ACSL5: variants seen among roughly 807,000 people sequenced by gnomAD.
ACSL5 encodes acyl-CoA synthetase long chain family member 5.
In ACSL5, 50 loss-of-function variants were observed where a neutral mutation model predicts 84.9. The ratio of observed to expected loss-of-function variants is 0.59; its 90% CI spans 0.47 to 0.75. ACSL5 has a LOEUF of 0.75. ACSL5 is among the 30% of genes least tolerant of loss of function. The probability of loss-of-function intolerance (pLI) is 0.00; values close to 1 mark genes in which losing one functional copy is unlikely to be tolerated. For synonymous variants in ACSL5, 280 were observed against 300.7 expected (o/e 0.93, Z 0.71); for missense variants, 775 against 830.4 (o/e 0.93, Z 0.82).
intron 16 of ACSL5, 29 bp from the exon 17 acceptor site, chr10:112,422,296 T>C (rs1367204080): frequency 1.3e-6 from 2 of 1,591,582 alleles, no homozygotes; most frequent in Admixed American, 1.7e-5. Context: ...CCTTTGCTAT[T>C]GTCACCGCCT....
At chr10:112,381,349 C>A (rs1359731549) in intron 1 of ACSL5, among the ~76,000 whole-genome samples, 1 of 152,112 alleles carries the variant, frequency 6.6e-6, no homozygotes, top group Admixed American at 6.6e-5. Flanking sequence ...CACACAGGTC[C>A]ACAGTTTTTG....
intron 3 of ACSL5, among the ~76,000 whole-genome samples, chr10:112,401,833 TTTCTTTCTTCC>T (rs1279151410): frequency 1.7e-4 from 16 of 95,532 alleles, no homozygotes; most frequent in African/African-American, 5.8e-4. Flanking sequence ...TCTTTCTTTC[TTTCTTTCTTCC>T]TTCCTTCCTT....
intron 14 of ACSL5, chr10:112,420,052 A>C (rs1416754307): frequency 2.0e-5 from 3 of 152,242 alleles, no homozygotes; most frequent in African/African-American, 7.2e-5. Flanking sequence ...CTATCTGTAT[A>C]ACCACAATCA....
chr10:112,417,114 C>T, intron 13 of ACSL5, 92 bp downstream of exon 13: 5 of 1,398,438 alleles, frequency 3.6e-6, no homozygotes, highest in Non-Finnish European at 4.9e-6. Context: ...GCTTGAGCGT[C>T]ACTTTAACTA....
At chr10:112,416,716 C>G (rs983927774) in intron 12 of ACSL5, among the ~76,000 whole-genome samples, 172 bp from the exon 13 acceptor site, 1 of 152,232 alleles carries the variant, frequency 6.6e-6, no homozygotes. Context: ...TCACTTCTTT[C>G]TGAGCATGGC....
At chr10:112,391,198 G>A (rs1012442841) in intron 1 of ACSL5, among the ~76,000 whole-genome samples, 7 of 152,176 alleles carry the variant, frequency 4.6e-5, no homozygotes, top group African/African-American at 1.7e-4. Flanking sequence ...GGCCAACATG[G>A]TGAAACCCTC....
In ACSL5 at chr10:112,427,126, T is replaced by C; in HGVS notation, c.1912-92T>C. The C allele has an allele frequency of 3.7e-6, 5 of 1,350,798 alleles. No homozygotes were observed. The South Asian group carries it at 5.7e-5, about 15-fold the overall frequency. 83.7% of individuals were successfully genotyped at this position (1,350,798 alleles called of 1,614,324 possible). On this transcript the variant is annotated intron_variant, in intron 20 of 20. Transcript: ENST00000354655. ...CTGTTACCTTTACCCTTTCACTGCA[T>C]CAACCTCACTTTCTTCACAGAGCAC...
chr10:112,398,685 G>A (rs570565583), intron 2 of ACSL5, among the ~76,000 whole-genome samples: 10 of 152,254 alleles, frequency 6.6e-5, no homozygotes, highest in East Asian at 1.9e-4. Flanking sequence ...GATTACAGGC[G>A]TGAGCCACCG....
At chr10:112,384,641 G>C (rs557874962) in intron 1 of ACSL5, among the ~76,000 whole-genome samples, 148 of 152,244 alleles carry the variant, frequency 9.7e-4, no homozygotes, top group African/African-American at 3.4e-3. Flanking sequence ...CCAGGTAGTG[G>C]GGACTACCGG....
intron 1 of ACSL5, among the ~76,000 whole-genome samples, chr10:112,376,964 C>A (rs1209272033): frequency 6.6e-6 from 1 of 151,464 alleles, no homozygotes; most frequent in Non-Finnish European, 1.5e-5. Flanking sequence ...TCTCAAAGAC[C>A]CTCAGGGAGT....
Position 112,418,538 on chromosome 10 carries a change from C to T in ACSL5, c.1314+597C>T, listed in dbSNP as rs189615859. 9.9e-5 allele frequency among the ~76,000 whole-genome samples: 15 copies of T among 151,948 alleles called. No individual in the cohort carries two copies. The East Asian group carries it at 1.4e-3, about 14-fold the overall frequency. ...TGGAGCTTGCAGTGAGCTGAGATTGCGCCACTGCACTCCAGCCTGGGCAAC... is the reference window on the plus strand; with the variant it reads ...TGGAGCTTGCAGTGAGCTGAGATTGTGCCACTGCACTCCAGCCTGGGCAAC... On this transcript the variant is annotated intron_variant, in intron 14 of 20. Transcript: ENST00000354655.
chr10:112,427,692 A>G lies in ACSL5; in HGVS notation c.*334A>G, dbSNP rs1033532153. On this transcript the variant is annotated 3_prime_UTR_variant, in exon 21 of 21. Coordinates refer to ENST00000354655, the MANE Select transcript of ACSL5 (RefSeq NM_203379.2). The stretch of plus-strand genomic sequence containing the variant: ...ATTAGTAACCACAAGTTCAAGGGTC[A>G]AAGGGACCCTCTGTGCCTTCTTCTT... 1 of 172,934 alleles carries G rather than the reference A, an allele frequency of 5.8e-6. No homozygotes were observed. The highest frequency in any genetic ancestry group is 2.4e-5 in the African/African-American group (1 of 42,250). The allele number at this position is 172,934 out of a possible 1,614,324, so 10.7% of individuals were successfully genotyped here.
intron 5 of ACSL5, among the ~76,000 whole-genome samples, chr10:112,406,911 T>G (rs753517054): frequency 7.2e-5 from 11 of 152,154 alleles, no homozygotes; most frequent in Non-Finnish European, 1.6e-4. Flanking sequence ...ATGCTGCTGA[T>G]AAAGACATAC....
intron 9 of ACSL5, 87 bp downstream of exon 9, chr10:112,410,722 T>C: frequency 7.1e-7 from 1 of 1,413,872 alleles, no homozygotes; most frequent in South Asian, 1.2e-5. Flanking sequence ...TGGTAAATAC[T>C]CCCTCTAAAG....
chr10:112,374,299 A>G (rs1006141509), intron 1 of ACSL5, 30 bp downstream of exon 1: 1 of 152,202 alleles, frequency 6.6e-6, no homozygotes, highest in Non-Finnish European at 1.5e-5. Flanking sequence ...CCTGCACTAT[A>G]TTGAATATAT....
At position 112,412,035 on chromosome 10, in the gene ACSL5, C is replaced by T. The variant is rs1844191214; in HGVS notation, c.948+56C>T. 3 of 1,486,620 alleles carry T rather than the reference C, an allele frequency of 2.0e-6. No homozygotes were observed. In the Admixed American group the frequency reaches 5.0e-5, roughly 25 times the overall value. The allele number at this position is 1,486,620 out of a possible 1,614,324, so 92.1% of individuals were successfully genotyped here. ...GCAAGGGGGTCCTGACTTGCTATCA[C>T]ATGTTTATTCCAAAGGCAGCTACAC... On this transcript the variant is annotated intron_variant, in intron 11 of 20. Coordinates refer to ENST00000354655, the MANE Select transcript of ACSL5 (RefSeq NM_203379.2).
intron 1 of ACSL5, among the ~76,000 whole-genome samples, chr10:112,386,592 CTTTGTTAAGTTTTA>C (rs1849458169): frequency 1.3e-5 from 2 of 152,056 alleles, no homozygotes; most frequent in Non-Finnish European, 1.5e-5. Context: ...TTGTTTCACT[CTTTGTTAAGTTTTA>C]TTTTTTTCTG....
intron 1 of ACSL5, among the ~76,000 whole-genome samples, chr10:112,390,865 AT>A (rs1449356155): frequency 6.6e-6 from 1 of 152,198 alleles, no homozygotes; most frequent in Non-Finnish European, 1.5e-5. Flanking sequence ...GAATAGATAA[AT>A]CCATAGCAAC....
At chr10:112,385,135 G>T (rs150981078) in intron 1 of ACSL5, among the ~76,000 whole-genome samples, 1 of 152,112 alleles carries the variant, frequency 6.6e-6, no homozygotes, top group Non-Finnish European at 1.5e-5. Flanking sequence ...ATGAACCTGC[G>T]TGCCAGCCAT....
Sources: allele counts gnomAD v4.1 joint callset (sites outside exome capture counted in the v4.1 genomes callset), GRCh38; gene constraint gnomAD v4.1.1; transcripts MANE v1.5; gene names NCBI Gene and HGNC (gene_info 2026-07-23, HGNC 2026-07-21).